Variants in NOX1 observed in about 807,000 individuals in gnomAD.
The protein encoded by NOX1 is NADPH oxidase 1.
Under a neutral mutation model 42.5 loss-of-function variants are expected in NOX1, and 34 were observed. The observed-to-expected ratio is 0.80, with a 90% CI of 0.61 to 1.07. The LOEUF (loss-of-function observed/expected upper bound fraction) is 1.07. Ranked by LOEUF, NOX1 falls within the 50% of genes least tolerant of loss-of-function variation. The pLI, the probability that NOX1 is intolerant of heterozygous loss-of-function variation, is 0.00. For synonymous variants in NOX1, 143 were observed against 152.5 expected (o/e 0.94, Z 0.46); for missense variants, 408 against 427.0 (o/e 0.96, Z 0.39).
intron 12 of NOX1, among the ~76,000 whole-genome samples, chrX:100,846,638 C>T (rs1171049674): frequency 1.8e-5 from 2 of 110,221 alleles, no homozygotes; most frequent in African/African-American, 6.6e-5. Flanking sequence ...TCTCTCCCTC[C>T]CTCTCTCTCT....
intron 12 of NOX1, among the ~76,000 whole-genome samples, chrX:100,848,086 GTT>G (rs745625856): frequency 9.0e-6 from 1 of 111,568 alleles, no homozygotes; most frequent in Non-Finnish European, 1.9e-5. Context: ...TTGCCTCACT[GTT>G]TGAATGGAGT....
chrX:100,868,386 C>T (rs2085252241), intron 2 of NOX1, among the ~76,000 whole-genome samples: 1 of 112,134 alleles, frequency 8.9e-6, no homozygotes, highest in African/African-American at 3.2e-5. Flanking sequence ...GCATAATAGA[C>T]TAGAGGTAGC....
chrX:100,853,300 T>C lies in NOX1; in HGVS notation c.805-1975A>G, dbSNP rs868640783. Among the ~76,000 whole-genome samples the C allele has an allele frequency of 6.1e-4, 42 of 69,371 alleles. 1 individual carries two copies. Among genetic ancestry groups the C allele is most frequent in the African/African-American group, 2.6e-3 (40 of 15,495 alleles). 60.2% of individuals were successfully genotyped at this position (69,371 alleles called of 115,157 possible). A position where few individuals can be genotyped will look rare whatever the true frequency, so the allele number is the denominator to read the frequency against. ...TTTCTTTCTTTCTTTCTTTCTTTCT[T>C]TCTTTCTTTCTTTCTTTCTTTCTCT... On this transcript the variant is annotated intron_variant, in intron 7 of 12. Transcript: ENST00000372966.
chrX:100,852,493 C>G (rs1323219866), intron 7 of NOX1, among the ~76,000 whole-genome samples: 1 of 112,288 alleles, frequency 8.9e-6, no homozygotes, highest in African/African-American at 3.2e-5. Flanking sequence ...ATAAATAAAG[C>G]AGCTTTTCTA....
intron 8 of NOX1, 128 bp downstream of exon 8, chrX:100,851,105 G>A: frequency 4.7e-6 from 2 of 422,087 alleles, no homozygotes; most frequent in Non-Finnish European, 4.1e-6. Flanking sequence ...CTCCCAAAGT[G>A]CTGGGACTAC....
chrX:100,862,719 C>A lies in NOX1; in HGVS notation c.439G>T (p.Asp147Tyr), dbSNP rs1368590611. 5 of 1,195,926 alleles carry A rather than the reference C, an allele frequency of 4.2e-6. No homozygotes were observed. The highest frequency in any genetic ancestry group is 5.6e-6 in the Non-Finnish European group (5 of 891,116). The change falls in exon 5 of 13, where the codon GAT (aspartate) becomes TAT (tyrosine). Residue 147 changes from aspartate (D) to tyrosine (Y), a missense_variant. Asp to Tyr is a radical substitution (Grantham distance 160). Coordinates refer to ENST00000372966, the MANE Select transcript of NOX1 (RefSeq NM_007052.5). Reference protein sequence around the residue: ...LASILSSLSHDEKKGGSWLNP... With the variant: ...LASILSSLSHYEKKGGSWLNP... ...AGCCAAGAACCCCCCTTTTTCTCATCATGAGATAGGCTGGAGAGAATGGAG... is the reference window on the plus strand; with the variant it reads ...AGCCAAGAACCCCCCTTTTTCTCATAATGAGATAGGCTGGAGAGAATGGAG...
At chrX:100,872,008 C>A (rs1005172993) in intron 1 of NOX1, among the ~76,000 whole-genome samples, 2 of 112,037 alleles carry the variant, frequency 1.8e-5, no homozygotes, top group African/African-American at 6.5e-5. Context: ...ACAGGACCTA[C>A]TTTATAGTAA....
At chrX:100,868,312 CA>C (rs1280341099) in intron 2 of NOX1, among the ~76,000 whole-genome samples, 1 of 111,505 alleles carries the variant, frequency 9.0e-6, no homozygotes, top group Non-Finnish European at 1.9e-5. Context: ...GGGAAGATAC[CA>C]AAAGCTACTG....
At chrX:100,864,173 A>G (rs2085224190) in intron 2 of NOX1, among the ~76,000 whole-genome samples, 1 of 111,296 alleles carries the variant, frequency 9.0e-6, no homozygotes, top group African/African-American at 3.3e-5. Flanking sequence ...TATTTTTGGT[A>G]GAGACAGGGT....
Position 100,869,569 on chromosome X carries a change from G to A in NOX1, c.141+1150C>T, listed in dbSNP as rs1271448042. ...GCTTAAGGAGATTTTGGGCTGAGAC[G>A]ATGGGGTTTTCTAGATATACAATCA... On this transcript the variant is annotated intron_variant, in intron 2 of 12. Transcript: ENST00000372966. 2.2e-3 allele frequency among the ~76,000 whole-genome samples: 242 copies of A among 109,066 alleles called. 1 individual carries two copies. Among genetic ancestry groups the A allele is most frequent in the Non-Finnish European group, 3.2e-3 (165 of 52,114 alleles). The allele number at this position is 109,066 out of a possible 115,157, so 94.7% of individuals were successfully genotyped here.
In NOX1 at chrX:100,843,811, A is replaced by T; in HGVS notation, c.*141T>A. 1 of 479,529 alleles carries T rather than the reference A, an allele frequency of 2.1e-6. No homozygotes were observed. Among genetic ancestry groups the T allele is most frequent in the Non-Finnish European group, 3.4e-6 (1 of 292,084 alleles). The allele number at this position is 479,529 out of a possible 1,213,427, so 39.5% of individuals were successfully genotyped here. On this transcript the variant is annotated 3_prime_UTR_variant, in exon 13 of 13. Transcript: ENST00000372966. Reference sequence around the variant, plus strand: ...AAGCTCAAGTAACGAAGTTGAATGCAATCAAAAAAAGAATACCAGGGAGTC... The same window carrying T: ...AAGCTCAAGTAACGAAGTTGAATGCTATCAAAAAAAGAATACCAGGGAGTC...
chrX:100,857,007 T>C (rs1361915469), intron 7 of NOX1, among the ~76,000 whole-genome samples: 1 of 111,950 alleles, frequency 8.9e-6, no homozygotes, highest in Non-Finnish European at 1.9e-5. Flanking sequence ...ACCCATTAGA[T>C]AGTTTTTTGA....
At chrX:100,844,686 G>C (rs1237532097) in intron 12 of NOX1, among the ~76,000 whole-genome samples, 1 of 111,875 alleles carries the variant, frequency 8.9e-6, no homozygotes, top group East Asian at 2.8e-4. Context: ...GCCTGCCTCA[G>C]CCTCCCTAAG....
intron 7 of NOX1, among the ~76,000 whole-genome samples, chrX:100,853,251 TTCCTTCCTTC>T (rs2085128264): frequency 1.3e-4 from 5 of 39,555 alleles, no homozygotes; most frequent in African/African-American, 2.5e-4. Context: ...CTTTCCTTCC[TTCCTTCCTTC>T]CTTTCTTTCT....
Position 100,853,242 on chromosome X carries a change from TTTCC to T in NOX1, c.805-1921_805-1918del, listed in dbSNP as rs746546716. Among the ~76,000 whole-genome samples the T allele has an allele frequency of 5.6e-4, 32 of 57,651 alleles. 1 individual carries two copies. The highest frequency in any genetic ancestry group is 7.0e-4 in the Non-Finnish European group (23 of 33,073). 50.1% of individuals were successfully genotyped at this position (57,651 alleles called of 115,157 possible). A position where few individuals can be genotyped will look rare whatever the true frequency, so the allele number is the denominator to read the frequency against. ...CTTTCTCTTTCTTTCTTTTTCTTTCTTTCCTTCCTTCCTTCCTTCCTTTCTTTCT... is the reference window on the plus strand; with the variant it reads ...CTTTCTCTTTCTTTCTTTTTCTTTCTTTCCTTCCTTCCTTCCTTTCTTTCT... On this transcript the variant is annotated intron_variant, in intron 7 of 12. Coordinates refer to ENST00000372966, the MANE Select transcript of NOX1 (RefSeq NM_007052.5).
chrX:100,850,481 A>G (rs1382567077), intron 8 of NOX1, 95 bp from the exon 9 acceptor site: 2 of 538,488 alleles, frequency 3.7e-6, no homozygotes, highest in African/African-American at 4.7e-5. Flanking sequence ...GGCTGGTGAC[A>G]GTGGTGAACT....
intron 1 of NOX1, among the ~76,000 whole-genome samples, chrX:100,873,110 C>G (rs1386921591): frequency 9.2e-6 from 1 of 109,076 alleles, no homozygotes; most frequent in East Asian, 2.9e-4. Flanking sequence ...CTGTGGGACC[C>G]AAAAGCAAAA....
chrX:100,855,092 C>G (rs183964229), intron 7 of NOX1, among the ~76,000 whole-genome samples: 1 of 112,270 alleles, frequency 8.9e-6, no homozygotes, highest in Non-Finnish European at 1.9e-5. Context: ...ACTAAAATAA[C>G]CTGTTATACA....
rs1190720221 is a variant in NOX1 at position 100,870,645 on chromosome X, TG to T, written c.141+73del. 49 of 711,589 alleles carry T rather than the reference TG, an allele frequency of 6.9e-5. 1 individual carries two copies. The highest frequency in any genetic ancestry group is 4.4e-5 in the Non-Finnish European group (20 of 450,247). The allele number at this position is 711,589 out of a possible 1,213,427, so 58.6% of individuals were successfully genotyped here. On this transcript the variant is annotated intron_variant, in intron 2 of 12. Coordinates refer to ENST00000372966, the MANE Select transcript of NOX1 (RefSeq NM_007052.5). ...CTAGCCCTAGAGAATATCAGGGCAT[TG>T]GGTCACAAAGAAGCTGGAATCAGAG...
Sources: allele counts gnomAD v4.1 joint callset (sites outside exome capture counted in the v4.1 genomes callset), GRCh38; gene constraint gnomAD v4.1.1; transcripts MANE v1.5; gene names NCBI Gene and HGNC (gene_info 2026-07-23, HGNC 2026-07-21).